Variants in PRRC2B observed in about 807,000 individuals in gnomAD.
PRRC2B encodes the protein proline rich coiled-coil 2B.
Under a neutral mutation model 242.3 loss-of-function variants are expected in PRRC2B, and 68 were observed. The ratio of observed to expected loss-of-function variants is 0.28; its 90% CI spans 0.23 to 0.34. The LOEUF is 0.34. PRRC2B is among the 10% of genes least tolerant of loss of function. The probability of loss-of-function intolerance (pLI) is 1.00; values close to 1 mark genes in which losing one functional copy is unlikely to be tolerated. For synonymous variants in PRRC2B, 1,228 were observed against 1,173.6 expected (o/e 1.05, Z -0.95); for missense variants, 2,835 against 2,954.8 (o/e 0.96, Z 0.94).
At chr9:131,477,628 C>T in intron 16 of PRRC2B, 116 bp from the exon 17 acceptor site, 1 of 648,936 alleles carries the variant, frequency 1.5e-6, no homozygotes, top group Non-Finnish European at 2.7e-6. Context: ...CCCGAGGAGT[C>T]AGCTAGAGGA....
chr9:131,457,859 A>G (rs1943127580), intron 10 of PRRC2B, among the ~76,000 whole-genome samples: 1 of 151,970 alleles, frequency 6.6e-6, no homozygotes, highest in Non-Finnish European at 1.5e-5. Context: ...TCCCCTCTGT[A>G]ATTTTCCCCT....
chr9:131,420,499 T>TCTTTCTTCCTTTC (rs889470295), intron 1 of PRRC2B, among the ~76,000 whole-genome samples: 1 of 84,494 alleles, frequency 1.2e-5, no homozygotes, highest in Non-Finnish European at 2.5e-5. Context: ...CTTTCTTTTT[T>TCTTTCTTCCTTTC]TTTTTTTTTT....
intron 1 of PRRC2B, among the ~76,000 whole-genome samples, chr9:131,404,300 A>G (rs1588238605): frequency 6.6e-6 from 1 of 150,474 alleles, no homozygotes; most frequent in African/African-American, 2.5e-5. Flanking sequence ...GCTCACTGCA[A>G]CCTCCGCCTC....
chr9:131,447,020 A>G (rs2131389364), intron 7 of PRRC2B, 65 bp from the exon 8 acceptor site: 1 of 1,602,044 alleles, frequency 6.2e-7, no homozygotes, highest in Non-Finnish European at 8.5e-7. Flanking sequence ...ACACATTCTG[A>G]TTTAAGTGGA....
Position 131,446,274 on chromosome 9 carries a change from T to C in PRRC2B, c.614-127T>C, listed in dbSNP as rs1378310855. The C allele has an allele frequency of 1.7e-6, 2 of 1,143,322 alleles. No homozygotes were observed. The highest frequency in any genetic ancestry group is 2.5e-5 in the East Asian group (1 of 40,048). The allele number at this position is 1,143,322 out of a possible 1,614,324, so 70.8% of individuals were successfully genotyped here. The stretch of plus-strand genomic sequence containing the variant: ...TGACAGATTTAACAGTTCTTCACTT[T>C]TGGTGTTTTTTGTTTTTCATTTTAT... On this transcript the variant is annotated intron_variant, in intron 6 of 31. Transcript: ENST00000683519. The surrounding 1 kb of genome is among the most constrained non-coding windows in gnomAD (Gnocchi z 4.1).
rs1161077495 is a variant in PRRC2B, at chr9:131,475,054, G to T, written c.2925G>T (p.Lys975Asn). 6.2e-7 allele frequency: 1 copy of T among 1,610,570 alleles called. No homozygotes were observed. Among genetic ancestry groups the T allele is most frequent in the Non-Finnish European group, 8.5e-7 (1 of 1,178,330 alleles). Residue 975 changes from lysine (K) to asparagine (N), a missense_variant, in exon 16 of 32, where the codon AAG (lysine) becomes AAT (asparagine). Coordinates refer to ENST00000683519, the MANE Select transcript of PRRC2B (RefSeq NM_013318.4). ...GGGAGGAGAGTACCCGGCTGGCCAA[G>T]GAGAAGGAGCAGAGCCCCACGGCAG... is the stretch of plus-strand genomic sequence containing the variant. ...ELGEESTRLAKEKEQSPTAEK... is the reference protein window; with the variant it reads ...ELGEESTRLANEKEQSPTAEK...
At chr9:131,431,773 A>T (rs1838180719) in intron 2 of PRRC2B, among the ~76,000 whole-genome samples, 1 of 149,808 alleles carries the variant, frequency 6.7e-6, no homozygotes, top group East Asian at 2.0e-4. Context: ...TTTTTAGTAG[A>T]GACAGGGTTT....
chr9:131,392,068 A>G (rs1437812649), upstream of PRRC2B, among the ~76,000 whole-genome samples: 2 of 148,550 alleles, frequency 1.3e-5, no homozygotes, highest in African/African-American at 5.0e-5. Flanking sequence ...GAGGCTTCAG[A>G]TAGTTTATTT....
At chr9:131,478,672 C>T (rs143388976) in intron 18 of PRRC2B, 53 bp downstream of exon 18, 6 of 1,313,562 alleles carry the variant, frequency 4.6e-6, no homozygotes, top group Non-Finnish European at 5.3e-6. Context: ...CTGGCAGATG[C>T]CCAGGAAACC....
intron 9 of PRRC2B, chr9:131,448,132 A>G (rs368997770): frequency 4.6e-6 from 1 of 215,808 alleles, no homozygotes; most frequent in African/African-American, 2.3e-5. Flanking sequence ...ATAAGTACCA[A>G]TGTTCTGCCA....
intron 23 of PRRC2B, 32 bp downstream of exon 23, chr9:131,483,477 C>A: frequency 6.3e-7 from 1 of 1,591,930 alleles, no homozygotes; most frequent in Non-Finnish European, 8.6e-7. Context: ...TGGCTCCACT[C>A]ACTGCTTGGG....
At chr9:131,396,964 T>G (rs2131277275) in intron 1 of PRRC2B, among the ~76,000 whole-genome samples, 1 of 152,320 alleles carries the variant, frequency 6.6e-6, no homozygotes, top group South Asian at 2.1e-4. Flanking sequence ...GGAATTTGTT[T>G]TGGTTCATTT....
Position 131,497,602 on chromosome 9 carries a change from TA to T in PRRC2B, c.*1730del, listed in dbSNP as rs1266133203. The T allele has an allele frequency of 6.6e-6, 1 of 152,208 alleles. No homozygotes were observed. Among genetic ancestry groups the T allele is most frequent in the Non-Finnish European group, 1.5e-5 (1 of 68,060 alleles). 9.4% of individuals were successfully genotyped at this position (152,208 alleles called of 1,614,324 possible). On this transcript the variant is annotated 3_prime_UTR_variant, in exon 32 of 32. Coordinates refer to ENST00000683519, the MANE Select transcript of PRRC2B (RefSeq NM_013318.4). ...AGGAGCATCTTAGGAACTGCTGAAG[TA>T]ACTTCTTACTGCTCTCACAATTCTA...
chr9:131,382,216 T>G (rs1204568618), intron 1 of PRRC2B, among the ~76,000 whole-genome samples: 1 of 151,836 alleles, frequency 6.6e-6, no homozygotes, highest in African/African-American at 2.4e-5. Context: ...GGGGTTTCAC[T>G]ATGTTGGTCA....
At chr9:131,466,459 A>G (rs1011810694) in intron 12 of PRRC2B, among the ~76,000 whole-genome samples, 5 of 152,240 alleles carry the variant, frequency 3.3e-5, no homozygotes, top group African/African-American at 1.2e-4. Context: ...TAGGTCACAT[A>G]GCCTTTCTCT....
chr9:131,398,942 C>T (rs1837142463), intron 1 of PRRC2B, among the ~76,000 whole-genome samples: 1 of 152,068 alleles, frequency 6.6e-6, no homozygotes, highest in Non-Finnish European at 1.5e-5. Context: ...CATGCCACTG[C>T]ACTCTAGCCT....
Position 131,494,455 on chromosome 9 carries a change from T to C in PRRC2B, c.6524T>C (p.Met2175Thr), listed in dbSNP as rs758555527. Residue 2175 changes from methionine (M) to threonine (T), a missense_variant, in exon 31 of 32, where the codon ATG becomes ACG. Coordinates refer to ENST00000683519, the MANE Select transcript of PRRC2B (RefSeq NM_013318.4). The surrounding 1 kb of genome is among the most constrained non-coding windows in gnomAD (Gnocchi z 4.3). ...SGKPSGSAVN[M>T]GSVQGHYVQQ... ...AAGCCCTCTGGATCAGCAGTTAACA[T>C]GGGCTCTGTGCAGGGACACTACGTG... The C allele has an allele frequency of 6.2e-7, 1 of 1,605,976 alleles. No individual in the cohort carries two copies. The highest frequency in any genetic ancestry group is 1.7e-5 in the Admixed American group (1 of 59,314).
rs911272624 is a variant in PRRC2B, at chr9:131,497,549, G to A, written c.*1675G>A. 1 of 152,228 alleles carries A rather than the reference G, an allele frequency of 6.6e-6. No homozygotes were observed. 9.4% of individuals were successfully genotyped at this position (152,228 alleles called of 1,614,324 possible). On this transcript the variant is annotated 3_prime_UTR_variant, in exon 32 of 32. Transcript: ENST00000683519. The stretch of plus-strand genomic sequence containing the variant: ...GACAGCGCTCAGGCTTGGGCTCTAA[G>A]CTCTGTGTCTAGTGTAGAACATGGG...
At position 131,467,763 on chromosome 9, in the gene PRRC2B, T is replaced by A; in HGVS notation, c.1911+10T>A. The A allele has an allele frequency of 6.2e-7, 1 of 1,613,038 alleles. No individual in the cohort carries two copies. Among genetic ancestry groups the A allele is most frequent in the Non-Finnish European group, 8.5e-7 (1 of 1,179,240 alleles). ...GCAGCAACAACAGCAGGTAAACAGA[T>A]GAGATGGTAAAAGACTGTGATAAAC... On this transcript the variant is annotated intron_variant, in intron 13 of 31. Transcript: ENST00000683519.
Sources: gnomAD v4.1 joint callset for allele counts (sites outside exome capture counted in the v4.1 genomes callset) on GRCh38, gnomAD v4.1.1 for gene constraint, Gnocchi (gnomAD v3.1) non-coding constraint, MANE v1.5 for transcripts, NCBI Gene and HGNC (gene_info 2026-07-23, HGNC 2026-07-21) for gene names.